Variants in TBCE observed in about 807,000 individuals in gnomAD.
The protein encoded by TBCE is tubulin-specific chaperone E.
A neutral mutation model predicts 77.0 loss-of-function variants in TBCE; 53 were observed. That is an observed-to-expected ratio of 0.69 (90% CI 0.55 to 0.87). The LOEUF is 0.87. TBCE is among the 40% of genes least tolerant of loss of function. The pLI is 0.00. For missense variants in TBCE, 624 were observed against 622.4 expected (o/e 1.00, Z -0.03); for synonymous variants, 235 against 241.3 (o/e 0.97, Z 0.24).
intron 5 of TBCE, among the ~76,000 whole-genome samples, chr1:235,421,115 A>G (rs1038020160): frequency 1.3e-5 from 2 of 152,240 alleles, no homozygotes; most frequent in Non-Finnish European, 2.9e-5. Flanking sequence ...GTAGGTTAAA[A>G]GAAAATTTTA....
intron 11 of TBCE, among the ~76,000 whole-genome samples, chr1:235,436,857 G>C (rs961748529): frequency 3.9e-5 from 6 of 152,096 alleles, no homozygotes; most frequent in African/African-American, 1.2e-4. Context: ...GGTGGCTCAA[G>C]CCTGTAATCC....
intron 2 of TBCE, among the ~76,000 whole-genome samples, chr1:235,383,442 C>T (rs1572331864): frequency 6.6e-6 from 1 of 152,108 alleles, no homozygotes; most frequent in East Asian, 1.9e-4. Flanking sequence ...TTCTTCCTAC[C>T]CATGAGCATG....
rs778161026 is a variant in TBCE at position 235,380,163 on chromosome 1, GTGTGT to G, written c.100+15_100+19del. The G allele has an allele frequency of 0.017, 207 of 12,072 alleles. No individual in the cohort carries two copies. The highest frequency in any genetic ancestry group is 0.02 in the Non-Finnish European group (187 of 9,302). The allele number at this position is 12,072 out of a possible 1,614,324, so 0.7% of individuals were successfully genotyped here. A position where few individuals can be genotyped will look rare whatever the true frequency, so the allele number is the denominator to read the frequency against. On this transcript the variant is annotated intron_variant, in intron 2 of 16. Coordinates refer to ENST00000642610, the MANE Select transcript of TBCE (RefSeq NM_003193.5). Reference sequence around the variant, plus strand: ...CTCCCGTGGCAGGTAAGCAATTATTGTGTGTGTGTGTGTGTGTGTGTGTGTGTGTG... The same window carrying G: ...CTCCCGTGGCAGGTAAGCAATTATTGGTGTGTGTGTGTGTGTGTGTGTGTG...
chr1:235,381,459 C>T (rs1050879359), intron 2 of TBCE, among the ~76,000 whole-genome samples: 44 of 151,760 alleles, frequency 2.9e-4, no homozygotes, highest in Non-Finnish European at 2.9e-4. Flanking sequence ...CCAAGGCGGG[C>T]GGATCACAAG....
chr1:235,387,079 C>T lies in TBCE; in HGVS notation c.100+6930C>T, dbSNP rs1312129830. Among the ~76,000 whole-genome samples, 6 of 152,330 alleles carry T rather than the reference C, an allele frequency of 3.9e-5. No homozygotes were observed. In the South Asian group the frequency reaches 8.3e-4, roughly 21 times the overall value. On this transcript the variant is annotated intron_variant, in intron 2 of 16. Coordinates refer to ENST00000642610, the MANE Select transcript of TBCE (RefSeq NM_003193.5). Reference sequence around the variant, plus strand: ...TAGAGGTCCACTCCAGACCGTTTGCCTGGGTATCAGCAGCAGTGGCTGCAG... The same window carrying T: ...TAGAGGTCCACTCCAGACCGTTTGCTTGGGTATCAGCAGCAGTGGCTGCAG...
At position 235,390,597 on chromosome 1, in the gene TBCE, C is replaced by CA. The variant is rs1299902534; in HGVS notation, c.100+10454dup. On this transcript the variant is annotated intron_variant, in intron 2 of 16. Transcript: ENST00000642610. ...TGAAACCCTGTCTCTACTAAAAATA[C>CA]AAAAAATACAAAAATTAGTCAGATG... 4.6e-5 allele frequency among the ~76,000 whole-genome samples: 7 copies of CA among 151,790 alleles called. No homozygotes were observed. The East Asian group carries it at 7.7e-4, about 17-fold the overall frequency.
chr1:235,375,117 T>C (rs1677216021), intron 1 of TBCE, among the ~76,000 whole-genome samples: 1 of 151,654 alleles, frequency 6.6e-6, no homozygotes, highest in Admixed American at 6.6e-5. Context: ...AGATGGGGTT[T>C]TGCTGTGTTA....
chr1:235,409,745 AG>A (rs1421508932), intron 3 of TBCE, among the ~76,000 whole-genome samples: 1 of 141,528 alleles, frequency 7.1e-6, no homozygotes, highest in Non-Finnish European at 1.6e-5. Flanking sequence ...GTGTAGATTT[AG>A]GGCCTGGCGC....
chr1:235,409,097 G>A (rs1322123460), intron 3 of TBCE, among the ~76,000 whole-genome samples: 1 of 150,610 alleles, frequency 6.6e-6, no homozygotes, highest in Non-Finnish European at 1.5e-5. Context: ...TGAAATACAA[G>A]CTTAACTGAG....
chr1:235,434,922 C>A (rs2102921474), intron 8 of TBCE, among the ~76,000 whole-genome samples: 1 of 152,106 alleles, frequency 6.6e-6, no homozygotes, highest in Admixed American at 6.6e-5. Flanking sequence ...ACATGTAAAA[C>A]TTTGTTCTCT....
intron 2 of TBCE, among the ~76,000 whole-genome samples, chr1:235,392,804 T>C (rs28626153): frequency 0.16 from 24,033 of 152,018 alleles, 2,569 homozygotes; most frequent in African/African-American, 0.3. Context: ...TGGTGTCCAT[T>C]CTTTAAGATT....
rs1572474808 is a variant in TBCE at position 235,450,418 on chromosome 1, C to A, written c.*1656C>A. The A allele has an allele frequency of 6.7e-7, 1 of 1,485,794 alleles. No individual in the cohort carries two copies. Among genetic ancestry groups the A allele is most frequent in the East Asian group, 2.3e-5 (1 of 43,830 alleles). The allele number at this position is 1,485,794 out of a possible 1,614,324, so 92.0% of individuals were successfully genotyped here. A position where few individuals can be genotyped will look rare whatever the true frequency, so the allele number is the denominator to read the frequency against. On this transcript the variant is annotated 3_prime_UTR_variant, in exon 17 of 17. Transcript: ENST00000642610. ...CATCAGAAAGTATGCACGTAGACAG[C>A]TTTTATGTATTCTAATGATGCTGAA...
chr1:235,371,325 G>A (rs1394818569), intron 1 of TBCE, among the ~76,000 whole-genome samples: 2 of 150,678 alleles, frequency 1.3e-5, no homozygotes, highest in Non-Finnish European at 2.9e-5. Flanking sequence ...CAAACTGCTG[G>A]GATTACAGGC....
intron 2 of TBCE, among the ~76,000 whole-genome samples, chr1:235,383,955 A>C (rs79195230): frequency 4.0e-5 from 6 of 151,712 alleles, no homozygotes; most frequent in Non-Finnish European, 8.8e-5. Context: ...CTGTGGGTTT[A>C]TCATAGATAG....
chr1:235,370,619 A>G (rs1220117718), intron 1 of TBCE, among the ~76,000 whole-genome samples: 1 of 150,634 alleles, frequency 6.6e-6, no homozygotes, highest in Non-Finnish European at 1.5e-5. Context: ...TTTTATTCCA[A>G]TTGCCTAAAA....
intron 2 of TBCE, among the ~76,000 whole-genome samples, chr1:235,396,619 G>A (rs1425584416): frequency 6.6e-6 from 1 of 152,124 alleles, no homozygotes; most frequent in Non-Finnish European, 1.5e-5. Flanking sequence ...CAGTGTGTGA[G>A]GGTTCCCTTT....
At position 235,435,571 on chromosome 1, in the gene TBCE, C is replaced by T. The variant is rs80007970; in HGVS notation, c.738-174C>T. The stretch of plus-strand genomic sequence containing the variant: ...CACAGGCTAGGTGTGACACTGATAC[C>T]GGCAGGAATATGTGCATCACCACAG... On this transcript the variant is annotated intron_variant, in intron 8 of 16. Coordinates refer to ENST00000642610, the MANE Select transcript of TBCE (RefSeq NM_003193.5). 0.044 allele frequency among the ~76,000 whole-genome samples: 6,662 copies of T among 152,154 alleles called. 240 individuals carry two copies. The highest frequency in any genetic ancestry group is 0.096 in the African/African-American group (3,981 of 41,518).
chr1:235,446,469 G>A (rs1315487269), intron 15 of TBCE, among the ~76,000 whole-genome samples: 1 of 151,856 alleles, frequency 6.6e-6, no homozygotes, highest in Admixed American at 6.6e-5. Flanking sequence ...GAGCCACTGC[G>A]CCTGGCTTAA....
intron 3 of TBCE, among the ~76,000 whole-genome samples, chr1:235,404,194 T>G (rs1679283959): frequency 6.6e-6 from 1 of 152,106 alleles, no homozygotes; most frequent in Admixed American, 6.6e-5. Flanking sequence ...GGAGAATTGC[T>G]TGAACCTGGG....
Sources: gnomAD v4.1 joint callset for allele counts (sites outside exome capture counted in the v4.1 genomes callset) on GRCh38, gnomAD v4.1.1 for gene constraint, MANE v1.5 for transcripts, NCBI Gene and HGNC (gene_info 2026-07-23, HGNC 2026-07-21) for gene names.